RBFOX1: variants seen among roughly 807,000 people sequenced by gnomAD.
RBFOX1 encodes the protein RNA binding fox-1 homolog 1.
A neutral mutation model predicts 57.7 loss-of-function variants in RBFOX1; 8 were observed. The observed-to-expected ratio is 0.14, with a 90% CI of 0.08 to 0.25. The LOEUF (loss-of-function observed/expected upper bound fraction) is 0.25, where lower values mean the gene tolerates loss of function less well. RBFOX1 is among the 10% of genes least tolerant of loss of function. The pLI, the probability that RBFOX1 is intolerant of heterozygous loss-of-function variation, is 1.00. For missense variants in RBFOX1, 611 were observed against 548.5 expected (o/e 1.11, Z -1.14); for synonymous variants, 326 against 222.4 (o/e 1.47, Z -4.15).
intron 2 of RBFOX1, among the ~76,000 whole-genome samples, chr16:6,323,056 A>G (rs1184375225): frequency 6.6e-6 from 1 of 152,194 alleles, no homozygotes; most frequent in Non-Finnish European, 1.5e-5. Context: ...TATAAGGGGC[A>G]GGAACTCTGC....
chr16:6,092,953 C>G, intron 1 of RBFOX1: 1 of 152,074 alleles, frequency 6.6e-6, no homozygotes, highest in East Asian at 1.9e-4. Context: ...AAAAAACTGC[C>G]TATCAGATGC....
intron 1 of RBFOX1, among the ~76,000 whole-genome samples, chr16:5,372,246 C>G (rs2065876475): frequency 6.6e-6 from 1 of 152,200 alleles, no homozygotes; most frequent in Non-Finnish European, 1.5e-5. Context: ...CACGGGTCCA[C>G]TGCAACAAAT....
chr16:7,277,230 G>C (rs931560552), intron 4 of RBFOX1, among the ~76,000 whole-genome samples: 1 of 152,132 alleles, frequency 6.6e-6, no homozygotes, highest in Non-Finnish European at 1.5e-5. Flanking sequence ...TGGAGGAATG[G>C]TTTCTGTTGG....
At chr16:5,800,747 T>C (rs1465712655) in intron 3 of RBFOX1, among the ~76,000 whole-genome samples, 1 of 152,106 alleles carries the variant, frequency 6.6e-6, no homozygotes, top group African/African-American at 2.4e-5. Context: ...GCTTCTCAGA[T>C]AGCTAACAGG....
At chr16:7,205,141 T>C (rs1603050009) in intron 4 of RBFOX1, among the ~76,000 whole-genome samples, 1 of 152,110 alleles carries the variant, frequency 6.6e-6, no homozygotes. Flanking sequence ...GATAGTAAGA[T>C]AGAGGCTGAG....
intron 1 of RBFOX1, among the ~76,000 whole-genome samples, chr16:6,159,454 A>G (rs1383976404): frequency 6.6e-6 from 1 of 152,118 alleles, no homozygotes; most frequent in Non-Finnish European, 1.5e-5. Context: ...ATGCTCAAAG[A>G]TGGGCATTCT....
At chr16:7,537,607 A>G (rs1271676662) in intron 5 of RBFOX1, among the ~76,000 whole-genome samples, 2 of 152,224 alleles carry the variant, frequency 1.3e-5, no homozygotes, top group African/African-American at 4.8e-5. Flanking sequence ...CATCGTAAAA[A>G]GATCTACCTG....
At chr16:7,081,173 T>G (rs570900091) in intron 4 of RBFOX1, among the ~76,000 whole-genome samples, 2 of 152,310 alleles carry the variant, frequency 1.3e-5, no homozygotes, top group East Asian at 1.9e-4. Flanking sequence ...TAGCTGAGAT[T>G]ACAGGTGCAC....
intron 1 of RBFOX1, among the ~76,000 whole-genome samples, chr16:5,258,235 GCGA>G (rs1414782957): frequency 1.3e-5 from 2 of 152,008 alleles, no homozygotes; most frequent in African/African-American, 4.8e-5. Flanking sequence ...TAAAAGTAGA[GCGA>G]CTAGTTTAAT....
intron 2 of RBFOX1, among the ~76,000 whole-genome samples, chr16:6,614,556 A>G (rs1357527054): frequency 6.6e-6 from 1 of 152,190 alleles, no homozygotes; most frequent in Non-Finnish European, 1.5e-5. Context: ...GACTTAGAAC[A>G]TCAGAAATGT....
At chr16:7,492,053 T>C (rs927683973) in intron 4 of RBFOX1, among the ~76,000 whole-genome samples, 1 of 152,156 alleles carries the variant, frequency 6.6e-6, no homozygotes, top group African/African-American at 2.4e-5. Flanking sequence ...GTTCCATGCT[T>C]GTATGTTGTG....
chr16:7,628,150 T>G (rs989927896), intron 10 of RBFOX1, among the ~76,000 whole-genome samples: 1 of 152,162 alleles, frequency 6.6e-6, no homozygotes, highest in African/African-American at 2.4e-5. Flanking sequence ...TCTGTGTATG[T>G]TTGTGTTACA....
At chr16:7,089,424 G>A (rs12929089) in intron 4 of RBFOX1, among the ~76,000 whole-genome samples, 53,768 of 151,888 alleles carry the variant, frequency 0.35, 9,888 homozygotes, top group East Asian at 0.5. Context: ...AAGTAGTCAC[G>A]TGGGATTGTC....
At chr16:7,354,801 C>A (rs1457174340) in intron 4 of RBFOX1, among the ~76,000 whole-genome samples, 2 of 152,054 alleles carry the variant, frequency 1.3e-5, no homozygotes, top group Admixed American at 1.3e-4. Flanking sequence ...TGCCTAGGAG[C>A]TACATGTGGT....
Position 7,246,598 on chromosome 16 carries a change from C to T in RBFOX1, c.27+194500C>T, listed in dbSNP as rs192409393. Among the ~76,000 whole-genome samples the T allele has an allele frequency of 1.7e-3, 246 of 148,110 alleles. 1 individual carries two copies. The highest frequency in any genetic ancestry group is 4.2e-3 in the Admixed American group (63 of 14,910). On this transcript the variant is annotated intron_variant, in intron 4 of 15. Coordinates refer to ENST00000550418, the MANE Select transcript of RBFOX1 (RefSeq NM_018723.4). ...ATGAACCTAGGGCTTTTTGTTGTTG[C>T]ACATCTATTTATTGTCAGACTGTAT...
chr16:6,189,622 G>A (rs1338618463), intron 1 of RBFOX1, among the ~76,000 whole-genome samples: 1 of 152,144 alleles, frequency 6.6e-6, no homozygotes, highest in Non-Finnish European at 1.5e-5. Context: ...TGATGCTATT[G>A]GAAGTAGCTA....
At chr16:7,137,145 G>C (rs113480439) in intron 4 of RBFOX1, among the ~76,000 whole-genome samples, 1 of 152,208 alleles carries the variant, frequency 6.6e-6, no homozygotes, top group Non-Finnish European at 1.5e-5. Flanking sequence ...GATGCAGTGG[G>C]TTTCTAGGTA....
At chr16:7,289,769 A>T (rs1255173582) in intron 4 of RBFOX1, among the ~76,000 whole-genome samples, 3 of 152,178 alleles carry the variant, frequency 2.0e-5, no homozygotes, top group Non-Finnish European at 4.4e-5. Flanking sequence ...ATGCTATCAA[A>T]TTTAGTCTTG....
chr16:6,735,852 A>G (rs1355957244), intron 3 of RBFOX1, among the ~76,000 whole-genome samples: 2 of 152,144 alleles, frequency 1.3e-5, no homozygotes, highest in Non-Finnish European at 2.9e-5. Flanking sequence ...TGGTTACATA[A>G]TTCACAGGCC....
Sources: allele counts gnomAD v4.1 joint callset (sites outside exome capture counted in the v4.1 genomes callset), GRCh38; gene constraint gnomAD v4.1.1; transcripts MANE v1.5; gene names NCBI Gene and HGNC (gene_info 2026-07-23, HGNC 2026-07-21).